The following POLR1F variants were observed in gnomAD, a reference collection of about 807,000 sequenced individuals.
POLR1F encodes the protein RNA polymerase I subunit F, also known as DNA-directed RNA polymerase I subunit RPA43.
In POLR1F, 23 loss-of-function variants were observed where a neutral mutation model predicts 21.8. The observed-to-expected ratio is 1.05, with a 90% CI of 0.76 to 1.49. The LOEUF (loss-of-function observed/expected upper bound fraction) is 1.49. Ranked by LOEUF, POLR1F falls within the 40% of genes most tolerant of loss-of-function variation. The probability of loss-of-function intolerance (pLI) is 0.00; values close to 1 mark genes in which losing one functional copy is unlikely to be tolerated. For synonymous variants in POLR1F, 162 were observed against 152.8 expected (o/e 1.06, Z -0.45); for missense variants, 435 against 412.1 (o/e 1.06, Z -0.48).
At position 19,698,282 on chromosome 7, in the gene POLR1F, G is replaced by A. The variant is rs148230406; in HGVS notation, c.*34C>T. Reference sequence around the variant, plus strand: ...TTTATTCATCTATTGTATGTAGATCGATCTTTTAAAAACTGAATCGTGTTT... The same window carrying A: ...TTTATTCATCTATTGTATGTAGATCAATCTTTTAAAAACTGAATCGTGTTT... On this transcript the variant is annotated 3_prime_UTR_variant, in exon 4 of 4. Coordinates refer to ENST00000222567, the MANE Select transcript of POLR1F (RefSeq NM_001002926.2). 395 of 1,513,554 alleles carry A rather than the reference G, an allele frequency of 2.6e-4. 1 individual carries two copies. In the African/African-American group the frequency reaches 3.6e-3, roughly 14 times the overall value. The allele number at this position is 1,513,554 out of a possible 1,614,324, so 93.8% of individuals were successfully genotyped here.
rs1446091555 is a variant in POLR1F at position 19,698,679 on chromosome 7, G to A, written c.654C>T (p.Gly218=). The change falls in exon 4 of 4, where the codon GGC becomes GGT. Residue 218 remains glycine (G), a synonymous_variant. Coordinates refer to ENST00000222567, the MANE Select transcript of POLR1F (RefSeq NM_001002926.2). The part of the protein sequence containing the change: ...SEVSEEVTEN[G]TEEAAKKPKK... ...TAGGTTTTTTAGCAGCTTCCTCAGT[G>A]CCATTTTCTGTAACTTCTTCAGAAA... 15 of 1,570,518 alleles carry A rather than the reference G, an allele frequency of 9.6e-6. No individual in the cohort carries two copies. The highest frequency in any genetic ancestry group is 2.1e-5 in the Admixed American group (1 of 46,770).
intron 3 of POLR1F, among the ~76,000 whole-genome samples, chr7:19,699,621 T>C (rs572488956): frequency 1.3e-5 from 2 of 152,314 alleles, no homozygotes; most frequent in South Asian, 4.1e-4. Flanking sequence ...AGATCAGAGT[T>C]AATTCTTATA....
rs1469808807 is a variant in POLR1F, at chr7:19,696,681, C to T, written c.*1635G>A. On this transcript the variant is annotated 3_prime_UTR_variant, in exon 4 of 4. Transcript: ENST00000222567. Reference sequence around the variant, plus strand: ...ATAGCACTGACCAAAAGAAAGTTAACATGAGCTTCATGTACAATTTTTAAT... The same window carrying T: ...ATAGCACTGACCAAAAGAAAGTTAATATGAGCTTCATGTACAATTTTTAAT... 6.6e-6 allele frequency: 1 copy of T among 151,934 alleles called. No homozygotes were observed. The highest frequency in any genetic ancestry group is 1.5e-5 in the Non-Finnish European group (1 of 67,898). The allele number at this position is 151,934 out of a possible 1,614,324, so 9.4% of individuals were successfully genotyped here.
In POLR1F at chr7:19,697,484, A is replaced by G. The variant is rs1783386512; in HGVS notation, c.*832T>C. On this transcript the variant is annotated 3_prime_UTR_variant, in exon 4 of 4. Transcript: ENST00000222567. ...TTTTCTCAATGAAAGCAGTGAACAGAACAACTGTTTTCTCTTCAGCACAAT... is the reference window on the plus strand; with the variant it reads ...TTTTCTCAATGAAAGCAGTGAACAGGACAACTGTTTTCTCTTCAGCACAAT... 1 of 152,172 alleles carries G rather than the reference A, an allele frequency of 6.6e-6. No individual in the cohort carries two copies. The highest frequency in any genetic ancestry group is 2.1e-4 in the South Asian group (1 of 4,838). The allele number at this position is 152,172 out of a possible 1,614,324, so 9.4% of individuals were successfully genotyped here.
rs773589730 is a variant in POLR1F, at chr7:19,708,941, G to A, written c.76C>T (p.Leu26=). The A allele has an allele frequency of 1.2e-5, 19 of 1,612,984 alleles. No homozygotes were observed. In the Admixed American group the frequency reaches 2.8e-4, roughly 24 times the overall value. Reference sequence around the variant, plus strand: ...TAAGTCGGCAACTCTAGGCAAGGCAGGACGCCAGCCTGCCCTACCAGAGAC... The same window carrying A: ...TAAGTCGGCAACTCTAGGCAAGGCAAGACGCCAGCCTGCCCTACCAGAGAC... ...DGSLVGQAGV[L]PCLELPTYAA... The change falls in exon 1 of 4, where the codon CTG becomes TTG. Residue 26 remains leucine, a synonymous_variant. Transcript: ENST00000222567.
chr7:19,700,029 A>G, intron 3 of POLR1F, 43 bp downstream of exon 3: 1 of 1,483,020 alleles, frequency 6.7e-7, no homozygotes, highest in African/African-American at 1.4e-5. Context: ...AGAATTAAAT[A>G]GAAATTAAGT....
At position 19,697,750 on chromosome 7, in the gene POLR1F, C is replaced by T. The variant is rs2128005819; in HGVS notation, c.*566G>A. The T allele has an allele frequency of 6.6e-6, 1 of 152,240 alleles. No homozygotes were observed. Among genetic ancestry groups the T allele is most frequent in the Admixed American group, 6.5e-5 (1 of 15,294 alleles). 9.4% of individuals were successfully genotyped at this position (152,240 alleles called of 1,614,324 possible). ...ATAATGAATAGCATTTACCACCACA[C>T]AGTCAGTACTGGCCTGGCTTTTAAG... is the stretch of plus-strand genomic sequence containing the variant. On this transcript the variant is annotated 3_prime_UTR_variant, in exon 4 of 4. Transcript: ENST00000222567.
chr7:19,707,454 C>G (rs1783546228), intron 1 of POLR1F, among the ~76,000 whole-genome samples: 1 of 152,150 alleles, frequency 6.6e-6, no homozygotes, highest in Non-Finnish European at 1.5e-5. Flanking sequence ...CATCTTTGAC[C>G]CCCTGCCCTC....
At chr7:19,705,158 A>G (rs534151273) in intron 1 of POLR1F, among the ~76,000 whole-genome samples, 8 of 152,274 alleles carry the variant, frequency 5.3e-5, no homozygotes, top group African/African-American at 1.9e-4. Flanking sequence ...CTGATTAGAT[A>G]TTCTATCCAA....
intron 2 of POLR1F, among the ~76,000 whole-genome samples, chr7:19,702,341 A>T (rs966530070): frequency 4.6e-5 from 7 of 152,252 alleles, no homozygotes; most frequent in African/African-American, 1.7e-4. Flanking sequence ...TTTTTAATAT[A>T]TGAATCCAGA....
chr7:19,700,027 ATAGAAATTAAG>A, intron 3 of POLR1F, 34 bp downstream of exon 3: 1 of 1,476,524 alleles, frequency 6.8e-7, no homozygotes, highest in African/African-American at 1.4e-5. Context: ...TCAGAATTAA[ATAGAAATTAAG>A]TACCTAGTGA....
chr7:19,707,100 T>TA (rs1275687459), intron 1 of POLR1F, among the ~76,000 whole-genome samples: 1 of 152,216 alleles, frequency 6.6e-6, no homozygotes, highest in East Asian at 1.9e-4. Context: ...GTATATCCTT[T>TA]AATTTCTCAA....
intron 1 of POLR1F, among the ~76,000 whole-genome samples, chr7:19,707,458 T>C (rs1361204443): frequency 6.6e-6 from 1 of 152,212 alleles, no homozygotes; most frequent in Non-Finnish European, 1.5e-5. Context: ...TTTGACCCCC[T>C]GCCCTCCTCT....
chr7:19,700,345 C>G, intron 2 of POLR1F, 65 bp from the exon 3 acceptor site: 1 of 1,154,626 alleles, frequency 8.7e-7, no homozygotes. Flanking sequence ...AAAGGTGAAC[C>G]AAACTTTACA....
rs997020397 is a variant in POLR1F at position 19,708,968 on chromosome 7, C to T, written c.49G>A (p.Gly17Arg). The T allele has an allele frequency of 8.7e-6, 14 of 1,601,284 alleles. No individual in the cohort carries two copies. In the African/African-American group the frequency reaches 1.3e-4, roughly 15 times the overall value. Residue 17 changes from glycine to arginine, a missense_variant, in exon 1 of 4, where the codon GGG becomes AGG. Transcript: ENST00000222567. ...ACGCCAGCCTGCCCTACCAGAGACC[C>T]ATCAGAAGCCGCCGCTGGCCGCGGC... ...EAPRPAAASD[G>R]SLVGQAGVLP...
intron 2 of POLR1F, among the ~76,000 whole-genome samples, chr7:19,703,655 C>T (rs562718707): frequency 6.6e-6 from 1 of 152,200 alleles, no homozygotes; most frequent in Non-Finnish European, 1.5e-5. Flanking sequence ...AATGCATTGG[C>T]GCAATCATAG....
chr7:19,708,978 C>CGCCGCTG lies in POLR1F; in HGVS notation c.32_38dup (p.Ala14SerfsTer5). ...GCCCTACCAGAGACCCATCAGAAGC[C>CGCCGCTG]GCCGCTGGCCGCGGCGCCTCTGAGC... On this transcript the variant is annotated frameshift_variant, in exon 1 of 4. Transcript: ENST00000222567. LOFTEE classifies it high-confidence loss of function. 3 of 1,597,208 alleles carry CGCCGCTG rather than the reference C, an allele frequency of 1.9e-6. No individual in the cohort carries two copies. The highest frequency in any genetic ancestry group is 2.6e-6 in the Non-Finnish European group (3 of 1,170,094).
At chr7:19,708,390 A>T (rs1783565468) in intron 1 of POLR1F, among the ~76,000 whole-genome samples, 1 of 152,204 alleles carries the variant, frequency 6.6e-6, no homozygotes, top group South Asian at 2.1e-4. Context: ...TTATCGTCAA[A>T]TGAGAAAGCA....
chr7:19,695,844 G>C lies in POLR1F; in HGVS notation c.*2472C>G, dbSNP rs917208433. ...CACAGCTAGTTTTTCTTCTCCAAGG[G>C]TCAAAATGCTGCTCTTCCAACAACA... On this transcript the variant is annotated 3_prime_UTR_variant, in exon 4 of 4. Transcript: ENST00000222567. 6.6e-6 allele frequency: 1 copy of C among 152,072 alleles called. No individual in the cohort carries two copies. Among genetic ancestry groups the C allele is most frequent in the Non-Finnish European group, 1.5e-5 (1 of 67,970 alleles). 9.4% of individuals were successfully genotyped at this position (152,072 alleles called of 1,614,324 possible).
Sources: allele counts gnomAD v4.1 joint callset (sites outside exome capture counted in the v4.1 genomes callset), GRCh38; gene constraint gnomAD v4.1.1; transcripts MANE v1.5; gene names NCBI Gene and HGNC (gene_info 2026-07-23, HGNC 2026-07-21).